Variants in PTGES2 observed in about 807,000 individuals in gnomAD.
PTGES2 encodes the protein GATE-binding factor 1.
A neutral mutation model predicts 44.5 loss-of-function variants in PTGES2; 35 were observed. That is an observed-to-expected ratio of 0.79 (90% CI 0.60 to 1.04). The LOEUF is 1.04. Ranked by LOEUF, PTGES2 falls within the 50% of genes least tolerant of loss-of-function variation. The pLI, the probability that PTGES2 is intolerant of heterozygous loss-of-function variation, is 0.00. For missense variants in PTGES2, 517 were observed against 521.4 expected, an observed-to-expected ratio of 0.99 and a Z score of 0.08; for synonymous variants, 221 against 227.5, an observed-to-expected ratio of 0.97 and a Z score of 0.26.
chr9:128,127,655 C>G lies in PTGES2; in HGVS notation c.63G>C (p.Arg21Ser), dbSNP rs1047223222. The G allele has an allele frequency of 1.6e-6, 2 of 1,279,994 alleles. No homozygotes were observed. Among genetic ancestry groups the G allele is most frequent in the Non-Finnish European group, 2.0e-6 (2 of 1,014,070 alleles). 79.3% of individuals were successfully genotyped at this position (1,279,994 alleles called of 1,614,324 possible). The change falls in exon 1 of 7, where the codon AGG becomes AGC. Residue 21 changes from arginine to serine, a missense_variant. By Grantham distance (110) the Arg-to-Ser change is moderately radical. Transcript: ENST00000338961. Reference protein sequence around the residue: ...LWPGGCALAWRLGGRPQPLLP... With the variant: ...LWPGGCALAWSLGGRPQPLLP... ...GCAGCGGCTGGGGGCGGCCTCCCAG[C>G]CTCCAGGCCAAGGCGCACCCACCAG...
At chr9:128,124,361 G>A (rs112307275) in intron 3 of PTGES2, 131 bp downstream of exon 3, 6 of 723,056 alleles carry the variant, frequency 8.3e-6, no homozygotes, top group African/African-American at 3.6e-5. Flanking sequence ...TGGGATTACA[G>A]GTGCGAGCCA....
At position 128,122,969 on chromosome 9, in the gene PTGES2, C is replaced by T. The variant is rs550774263; in HGVS notation, c.852G>A (p.Ala284=). 2.8e-5 allele frequency: 45 copies of T among 1,614,034 alleles called. No homozygotes were observed. The highest frequency in any genetic ancestry group is 3.3e-4 in the Middle Eastern group (2 of 6,060). The part of the protein sequence containing the change: ...EGAVAKYMGA[A]AMYLISKRLK... ...GTCGCTTGCTGATGAGGTACATGGCCGCTGCACCCATGTACTTGGCCACGG... is the reference window on the plus strand; with the variant it reads ...GTCGCTTGCTGATGAGGTACATGGCTGCTGCACCCATGTACTTGGCCACGG... Residue 284 remains alanine, a synonymous_variant, in exon 5 of 7, where the codon GCG becomes GCA. Transcript: ENST00000338961.
intron 1 of PTGES2, among the ~76,000 whole-genome samples, chr9:128,126,086 T>A (rs1019393500): frequency 2.0e-5 from 3 of 152,146 alleles, no homozygotes; most frequent in Non-Finnish European, 4.4e-5. Flanking sequence ...TGTGGCAAGC[T>A]CCGCAGGAAA....
intron 1 of PTGES2, 60 bp from the exon 2 acceptor site, chr9:128,125,501 CCCA>C: frequency 6.5e-7 from 1 of 1,531,352 alleles, no homozygotes; most frequent in Admixed American, 1.7e-5. Flanking sequence ...AGGCCCTGCC[CCCA>C]AGGGTGTTTT....
intron 6 of PTGES2, 137 bp from the exon 7 acceptor site, chr9:128,121,410 C>G (rs1834406783): frequency 1.3e-5 from 14 of 1,094,746 alleles, no homozygotes; most frequent in Admixed American, 2.7e-5. Context: ...GCCAACAGCA[C>G]AGGTGAGGGT....
chr9:128,122,981 G>A lies in PTGES2; in HGVS notation c.840C>T (p.Tyr280=). The stretch of plus-strand genomic sequence containing the variant: ...TGAGGTACATGGCCGCTGCACCCAT[G>A]TACTTGGCCACGGCACCCTCCACGG... ...FGAVEGAVAK[Y]MGAAAMYLIS... The change falls in exon 5 of 7, where the codon TAC becomes TAT. Residue 280 remains tyrosine, a synonymous_variant. Transcript: ENST00000338961. 1 of 1,614,040 alleles carries A rather than the reference G, an allele frequency of 6.2e-7. No individual in the cohort carries two copies. The highest frequency in any genetic ancestry group is 8.5e-7 in the Non-Finnish European group (1 of 1,180,018).
Position 128,125,290 on chromosome 9 carries a change from G to A in PTGES2, c.431C>T (p.Ser144Phe), listed in dbSNP as rs1414651279. ...CACCAGGATGGGCACCTTTCTGTAG[G>A]AGGAGAACTTGATCTCAGCCCTGCG... Reference protein sequence around the residue: ...PVRRAEIKFSSYRKVPILVAQ... With the variant: ...PVRRAEIKFSFYRKVPILVAQ... The change falls in exon 2 of 7, where the codon TCC becomes TTC. Residue 144 changes from serine (S) to phenylalanine (F), a missense_variant. Physicochemically the swap from Ser to Phe is radical, Grantham distance 155 (BLOSUM62 -2). Coordinates refer to ENST00000338961, the MANE Select transcript of PTGES2 (RefSeq NM_025072.7). 1.2e-6 allele frequency: 2 copies of A among 1,611,888 alleles called. No individual in the cohort carries two copies.
At chr9:128,121,358 G>T in intron 6 of PTGES2, 85 bp from the exon 7 acceptor site, 1 of 1,502,886 alleles carries the variant, frequency 6.7e-7, no homozygotes, top group East Asian at 2.4e-5. Flanking sequence ...GTGTGGCCAG[G>T]TCCCGTCCCC....
At chr9:128,126,863 T>TTA (rs1187313685) in intron 1 of PTGES2, among the ~76,000 whole-genome samples, 1 of 9,826 alleles carries the variant, frequency 1.0e-4, no homozygotes. Context: ...AAACTCCGTC[T>TTA]CAAAAAAAAA....
In PTGES2 at chr9:128,122,426, C is replaced by G; in HGVS notation, c.941G>C (p.Trp314Ser). 6.2e-7 allele frequency: 1 copy of G among 1,614,236 alleles called. No homozygotes were observed. The highest frequency in any genetic ancestry group is 8.5e-7 in the Non-Finnish European group (1 of 1,180,038). Reference protein sequence around the residue: ...REDLYEAADKWVAAVGKDRPF... With the variant: ...REDLYEAADKSVAAVGKDRPF... ...CCGGTCCTTGCCCACAGCAGCCACC[C>G]ACTTGTCAGCAGCCTCATAGAGGTC... The change falls in exon 6 of 7, where the codon TGG becomes TCG. Residue 314 changes from tryptophan to serine, a missense_variant. By Grantham distance (177) the Trp-to-Ser change is radical (BLOSUM62 -3). Transcript: ENST00000338961.
Position 128,121,938 on chromosome 9 carries a change from C to CA in PTGES2, c.1005+423dup, listed in dbSNP as rs113626361. ...AAAAAAAAAACAAAAACAACAACAA[C>CA]AAAAAAAAACAAAAGGAAAAAGGGC... is the stretch of plus-strand genomic sequence containing the variant. On this transcript the variant is annotated intron_variant, in intron 6 of 6. Coordinates refer to ENST00000338961, the MANE Select transcript of PTGES2 (RefSeq NM_025072.7). 1.2e-3 allele frequency among the ~76,000 whole-genome samples: 173 copies of CA among 150,242 alleles called. 1 individual carries two copies. The highest frequency in any genetic ancestry group is 2.1e-3 in the Admixed American group (31 of 15,082).
chr9:128,128,032 G>C (rs571219396), upstream of PTGES2: 6 of 391,310 alleles, frequency 1.5e-5, no homozygotes, highest in South Asian at 1.7e-4. Context: ...CTAAAGGGCG[G>C]CGTGGCCGTC....
At chr9:128,128,124 C>T, upstream of PTGES2, 1 of 365,416 alleles carries the variant, frequency 2.7e-6, no homozygotes, top group South Asian at 2.1e-5. Flanking sequence ...ACAGGCGCCG[C>T]GACTTCCGGC....
chr9:128,121,387 G>A (rs1834406186), intron 6 of PTGES2, 114 bp from the exon 7 acceptor site: 1 of 1,373,032 alleles, frequency 7.3e-7, no homozygotes, highest in South Asian at 1.4e-5. Context: ...TGGAGCTCGT[G>A]ACCCACTCAA....
upstream of PTGES2, chr9:128,127,988 G>A (rs938106922): frequency 1.6e-5 from 7 of 437,614 alleles, no homozygotes; most frequent in African/African-American, 4.2e-5. Flanking sequence ...CCGACTGCAG[G>A]GGGGCGAACG....
rs368666888 is a variant in PTGES2 at position 128,123,066 on chromosome 9, C to T, written c.755G>A (p.Arg252His). 23 of 1,612,824 alleles carry T rather than the reference C, an allele frequency of 1.4e-5. No homozygotes were observed. Among genetic ancestry groups the T allele is most frequent in the Admixed American group, 3.3e-5 (2 of 59,984 alleles). The change falls in exon 5 of 7, where the codon CGC becomes CAC. Residue 252 changes from arginine (R) to histidine (H), a missense_variant. Physicochemically the swap from Arg to His is conservative, Grantham distance 29. Transcript: ENST00000338961. The surrounding 1 kb of genome is among the most constrained non-coding windows in gnomAD (Gnocchi z 4.4). ...LVHLISPNVYRTPTEALASFD... is the reference protein window; with the variant it reads ...LVHLISPNVYHTPTEALASFD... ...GGACGCCAGAGCCTCGGTGGGCGTG[C>T]GGTACACATTGGGGGAGATCAGGTG...
chr9:128,126,786 G>A (rs1296454983), intron 1 of PTGES2, among the ~76,000 whole-genome samples: 16 of 151,966 alleles, frequency 1.1e-4, no homozygotes, highest in Non-Finnish European at 1.5e-5. Flanking sequence ...CTTGAACCCA[G>A]GAGGCGGAGG....
chr9:128,121,143 A>T lies in PTGES2; in HGVS notation c.*2T>A, dbSNP rs980223008. On this transcript the variant is annotated 3_prime_UTR_variant, in exon 7 of 7. Transcript: ENST00000338961. ...CCTTCCCTCTGCTCTGCGCGGGGACATTCAGTGCGCTGGGGAGGCCTCGGT... is the reference window on the plus strand; with the variant it reads ...CCTTCCCTCTGCTCTGCGCGGGGACTTTCAGTGCGCTGGGGAGGCCTCGGT... The T allele has an allele frequency of 6.3e-7, 1 of 1,582,880 alleles. No individual in the cohort carries two copies. Among genetic ancestry groups the T allele is most frequent in the Non-Finnish European group, 8.6e-7 (1 of 1,164,846 alleles).
In PTGES2 at chr9:128,121,088, C is replaced by T; in HGVS notation, c.*57G>A. ...ATCGCCAGGCGCTGGCCCAGTGGCCCCAGGCCCTGGCAGCTGGCGTCTTCC... is the reference window on the plus strand; with the variant it reads ...ATCGCCAGGCGCTGGCCCAGTGGCCTCAGGCCCTGGCAGCTGGCGTCTTCC... On this transcript the variant is annotated 3_prime_UTR_variant, in exon 7 of 7. Coordinates refer to ENST00000338961, the MANE Select transcript of PTGES2 (RefSeq NM_025072.7). 1.3e-6 allele frequency: 2 copies of T among 1,549,480 alleles called. No individual in the cohort carries two copies. The highest frequency in any genetic ancestry group is 1.7e-6 in the Non-Finnish European group (2 of 1,147,682).
Sources: gnomAD v4.1 joint callset for allele counts (sites outside exome capture counted in the v4.1 genomes callset) on GRCh38, gnomAD v4.1.1 for gene constraint, Gnocchi (gnomAD v3.1) non-coding constraint, MANE v1.5 for transcripts, NCBI Gene and HGNC (gene_info 2026-07-23, HGNC 2026-07-21) for gene names.